CSNK2A2IP: variants seen among roughly 807,000 people sequenced by gnomAD.
CSNK2A2IP encodes casein kinase 2 subunit alpha' interacting protein, also known as casein kinase II subunit alpha'-interacting protein.
the CSNK2A2IP span, chr3:88,465,858 C>T: frequency 8.1e-7 from 1 of 1,231,534 alleles, no homozygotes; most frequent in Non-Finnish European, 1.0e-6. Context: ...TAGATGTTTG[C>T]TGGAGATCAC....
At chr3:88,429,140 C>A in the CSNK2A2IP span, among the ~76,000 whole-genome samples, 345 of 151,776 alleles carry the variant, frequency 2.3e-3, 1 homozygote, top group African/African-American at 8.0e-3. Flanking sequence ...CAGTTCATGT[C>A]CAAACATGAT....
the CSNK2A2IP span, among the ~76,000 whole-genome samples, chr3:88,397,835 A>G: frequency 6.6e-6 from 1 of 152,026 alleles, no homozygotes; most frequent in African/African-American, 2.4e-5. Flanking sequence ...TCATTTTACT[A>G]AAAGTGAACA....
chr3:88,406,181 T>C, the CSNK2A2IP span, among the ~76,000 whole-genome samples: 1 of 152,190 alleles, frequency 6.6e-6, no homozygotes, highest in African/African-American at 2.4e-5. Flanking sequence ...GCTAATTTTA[T>C]ATTAAAAACC....
At chr3:88,461,653 T>C in the CSNK2A2IP span, among the ~76,000 whole-genome samples, 1 of 152,200 alleles carries the variant, frequency 6.6e-6, no homozygotes, top group Admixed American at 6.5e-5. Flanking sequence ...TTTCTTGGTA[T>C]TTTATTTAAT....
the CSNK2A2IP span, among the ~76,000 whole-genome samples, chr3:88,371,763 G>A: frequency 4.6e-5 from 7 of 151,652 alleles, no homozygotes; most frequent in Admixed American, 4.0e-4. Flanking sequence ...TAGTTAAAAT[G>A]TTGAGAATCA....
chr3:88,464,131 G>T, the CSNK2A2IP span, among the ~76,000 whole-genome samples: 1 of 148,218 alleles, frequency 6.7e-6, no homozygotes, highest in Non-Finnish European at 1.5e-5. Flanking sequence ...CATGGACACA[G>T]GAAGGGGAAC....
At chr3:88,430,295 T>C in the CSNK2A2IP span, among the ~76,000 whole-genome samples, 1 of 152,172 alleles carries the variant, frequency 6.6e-6, no homozygotes, top group Non-Finnish European at 1.5e-5. Flanking sequence ...TTTCTTGTTC[T>C]ATAGATGGAA....
chr3:88,347,306 C>T, the CSNK2A2IP span, among the ~76,000 whole-genome samples: 66,573 of 151,834 alleles, frequency 0.44, 15,851 homozygotes, highest in South Asian at 0.62. Context: ...AGAGGATTCA[C>T]TTTAATTTTG....
At chr3:88,385,157 G>C in the CSNK2A2IP span, among the ~76,000 whole-genome samples, 1 of 152,160 alleles carries the variant, frequency 6.6e-6, no homozygotes, top group Non-Finnish European at 1.5e-5. Flanking sequence ...ACTCAAGGTA[G>C]AATCCTGATG....
At chr3:88,411,346 CT>C in the CSNK2A2IP span, among the ~76,000 whole-genome samples, 7 of 148,790 alleles carry the variant, frequency 4.7e-5, no homozygotes, top group South Asian at 2.1e-4. Context: ...CTCACTCTAT[CT>C]ATCATCTATC....
the CSNK2A2IP span, among the ~76,000 whole-genome samples, chr3:88,442,106 A>G: frequency 6.6e-6 from 1 of 152,204 alleles, no homozygotes; most frequent in East Asian, 1.9e-4. Context: ...GTCATTCTGG[A>G]TTAGAATTTG....
chr3:88,460,196 A>T, the CSNK2A2IP span, among the ~76,000 whole-genome samples: 1 of 152,002 alleles, frequency 6.6e-6, no homozygotes, highest in Non-Finnish European at 1.5e-5. Flanking sequence ...TCCCATATTT[A>T]TAGCCTCATT....
At chr3:88,374,989 G>C in the CSNK2A2IP span, among the ~76,000 whole-genome samples, 1 of 151,654 alleles carries the variant, frequency 6.6e-6, no homozygotes. Context: ...TACTATCATA[G>C]AGTAGCCTCC....
chr3:88,410,895 C>T, the CSNK2A2IP span, among the ~76,000 whole-genome samples: 1 of 151,788 alleles, frequency 6.6e-6, no homozygotes, highest in Admixed American at 6.6e-5. Context: ...AAACAAACAC[C>T]AATTGAATAC....
chr3:88,394,106 C>T, the CSNK2A2IP span, among the ~76,000 whole-genome samples: 1 of 152,046 alleles, frequency 6.6e-6, no homozygotes, highest in African/African-American at 2.4e-5. Flanking sequence ...GTGTAGAGAG[C>T]ATTCAGTAAA....
the CSNK2A2IP span, among the ~76,000 whole-genome samples, chr3:88,411,976 G>C: frequency 6.6e-6 from 1 of 151,588 alleles, no homozygotes; most frequent in Non-Finnish European, 1.5e-5. Context: ...TACTTATGTG[G>C]CTTGCATTGT....
At chr3:88,397,765 CT>C in the CSNK2A2IP span, among the ~76,000 whole-genome samples, 119,256 of 150,228 alleles carry the variant, frequency 0.79, 48,097 homozygotes, top group Non-Finnish European at 0.87. Context: ...TCTCCTATCT[CT>C]TTTTTTTTTC....
At chr3:88,435,946 A>G in the CSNK2A2IP span, among the ~76,000 whole-genome samples, 2 of 108,154 alleles carry the variant, frequency 1.8e-5, no homozygotes, top group Non-Finnish European at 3.9e-5. Context: ...CATTATATAT[A>G]TAATGCACAT....
At chr3:88,363,445 A>C in the CSNK2A2IP span, among the ~76,000 whole-genome samples, 1 of 152,210 alleles carries the variant, frequency 6.6e-6, no homozygotes, top group Non-Finnish European at 1.5e-5. Flanking sequence ...AATTGAATAC[A>C]GTTAGTATAA....
Sources: allele counts gnomAD v4.1 joint callset (sites outside exome capture counted in the v4.1 genomes callset), GRCh38; gene constraint gnomAD v4.1.1; transcripts MANE v1.5; gene names NCBI Gene and HGNC (gene_info 2026-07-23, HGNC 2026-07-21).